LAMA2: variants seen among roughly 807,000 people sequenced by gnomAD.
The protein encoded by LAMA2 is laminin subunit alpha-2.
Under a neutral mutation model 364.8 loss-of-function variants are expected in LAMA2, and 269 were observed. The ratio of observed to expected loss-of-function variants is 0.74; its 90% confidence interval spans 0.67 to 0.82. The LOEUF (loss-of-function observed/expected upper bound fraction) is 0.82, where lower values mean the gene tolerates loss of function less well. Ranked by LOEUF, LAMA2 falls within the 40% of genes least tolerant of loss-of-function variation. The probability of loss-of-function intolerance (pLI) is 0.00; values close to 1 mark genes in which losing one functional copy is unlikely to be tolerated. For missense variants in LAMA2, 3,807 were observed against 3,873.2 expected (o/e 0.98, Z 0.45); for synonymous variants, 1,379 against 1,370.6 (o/e 1.01, Z -0.14).
intron 62 of LAMA2, among the ~76,000 whole-genome samples, chr6:129,509,846 T>A (rs922405056): frequency 6.6e-6 from 1 of 152,160 alleles, no homozygotes; most frequent in Non-Finnish European, 1.5e-5. Context: ...GGGTTTCATA[T>A]GAATTTTAGG....
chr6:129,443,528 C>T (rs1259649626), intron 44 of LAMA2, among the ~76,000 whole-genome samples: 6 of 152,126 alleles, frequency 3.9e-5, no homozygotes, highest in Non-Finnish European at 8.8e-5. Flanking sequence ...CACAAATTCA[C>T]CCCAACACAC....
chr6:129,157,909 TG>T, intron 8 of LAMA2: 1 of 1,614,202 alleles, frequency 6.2e-7, no homozygotes, highest in South Asian at 1.1e-5. Flanking sequence ...AGGTAGCGTT[TG>T]GTGCCCACCC....
At chr6:129,515,024 C>G (rs9402138) in intron 64 of LAMA2, among the ~76,000 whole-genome samples, 13,026 of 152,210 alleles carry the variant, frequency 0.086, 646 homozygotes, top group Admixed American at 0.14. Context: ...TAATTTCCCC[C>G]TTATGTTATT....
intron 1 of LAMA2, among the ~76,000 whole-genome samples, chr6:128,900,103 C>T (rs1776993987): frequency 6.6e-6 from 1 of 152,142 alleles, no homozygotes; most frequent in Non-Finnish European, 1.5e-5. Flanking sequence ...TCAGATAATG[C>T]ATGTGCGTGA....
rs62428476 is a variant in LAMA2, at chr6:128,936,554, T to C, written c.112+53197T>C. Among the ~76,000 whole-genome samples the C allele has an allele frequency of 2.0e-5, 3 of 152,144 alleles. No homozygotes were observed. The East Asian group carries it at 5.8e-4, about 29-fold the overall frequency. On this transcript the variant is annotated intron_variant, in intron 1 of 64. Coordinates refer to ENST00000421865, the MANE Select transcript of LAMA2 (RefSeq NM_000426.4). ...TGCAGATTGTACTGACACCTACATA[T>C]AGTATGCTTTTTATTCTATGTATAT...
intron 4 of LAMA2, among the ~76,000 whole-genome samples, chr6:129,125,898 C>A (rs977239333): frequency 4.0e-5 from 6 of 151,630 alleles, no homozygotes; most frequent in Non-Finnish European, 8.8e-5. Context: ...CACTTTGTAC[C>A]CCATAAATTT....
At chr6:129,124,606 A>T (rs1020991882) in intron 4 of LAMA2, among the ~76,000 whole-genome samples, 4 of 152,176 alleles carry the variant, frequency 2.6e-5, no homozygotes. Context: ...CTCTTTTAGA[A>T]GTCTCATATG....
intron 34 of LAMA2, among the ~76,000 whole-genome samples, chr6:129,377,913 C>A (rs530596823): frequency 6.6e-6 from 1 of 151,556 alleles, no homozygotes. Flanking sequence ...AATGGTAATG[C>A]ATGCTGCCTA....
intron 58 of LAMA2, among the ~76,000 whole-genome samples, chr6:129,497,311 T>C (rs61078343): frequency 0.055 from 8,296 of 152,152 alleles, 574 homozygotes; most frequent in African/African-American, 0.16. Flanking sequence ...AATCATGGCT[T>C]ACTGCAGCCT....
At chr6:128,940,852 G>T (rs919733702) in intron 1 of LAMA2, among the ~76,000 whole-genome samples, 1 of 152,168 alleles carries the variant, frequency 6.6e-6, no homozygotes, top group Non-Finnish European at 1.5e-5. Flanking sequence ...TCCAAAGGCT[G>T]AAGTGGGAGG....
At position 129,280,132 on chromosome 6, in the gene LAMA2, G is replaced by A; in HGVS notation, c.2522G>A (p.Gly841Glu). The A allele has an allele frequency of 6.2e-7, 1 of 1,609,698 alleles. No individual in the cohort carries two copies. Among genetic ancestry groups the A allele is most frequent in the Non-Finnish European group, 8.5e-7 (1 of 1,176,190 alleles). ...GATGGATGCCCTGTCGGGTACACAG[G>A]ACCACGCTGTGAGAGGTAAGAGTAT... ...ICDGCPVGYT[G>E]PRCERCAEGY... The change falls in exon 18 of 65, where the codon GGA becomes GAA. Residue 841 changes from glycine to glutamate, a missense_variant. Physicochemically the swap from Gly to Glu is moderately conservative, Grantham distance 98. This residue lies in a region of LAMA2 where 3,333 missense variants were observed against 3,345.7 expected (regional missense o/e 1.00). Transcript: ENST00000421865.
intron 1 of LAMA2, among the ~76,000 whole-genome samples, chr6:128,915,929 T>C (rs1459136378): frequency 3.3e-5 from 5 of 152,238 alleles, no homozygotes; most frequent in Admixed American, 2.0e-4. Flanking sequence ...ATCTGTTCTT[T>C]ATTTCTAAAA....
chr6:129,248,412 A>G (rs554158754), intron 12 of LAMA2, among the ~76,000 whole-genome samples: 3 of 152,334 alleles, frequency 2.0e-5, no homozygotes, highest in African/African-American at 7.2e-5. Context: ...CAGCTTTGAC[A>G]TTCAAATTAT....
At chr6:129,386,164 TA>T (rs1283454350) in intron 35 of LAMA2, among the ~76,000 whole-genome samples, 1 of 152,066 alleles carries the variant, frequency 6.6e-6, no homozygotes, top group African/African-American at 2.4e-5. Flanking sequence ...TCCTTTGAAT[TA>T]AGTTGGAAAT....
intron 1 of LAMA2, among the ~76,000 whole-genome samples, chr6:128,947,080 A>G (rs1442472341): frequency 6.6e-6 from 1 of 152,212 alleles, no homozygotes; most frequent in Non-Finnish European, 1.5e-5. Context: ...TTCTAATTGC[A>G]AACACATCAC....
At chr6:129,164,394 T>C (rs927160702) in intron 8 of LAMA2, among the ~76,000 whole-genome samples, 1 of 152,218 alleles carries the variant, frequency 6.6e-6, no homozygotes, top group African/African-American at 2.4e-5. Flanking sequence ...TTAACCATGA[T>C]AACTGAAACC....
At chr6:129,172,944 G>A (rs575964189) in intron 9 of LAMA2, among the ~76,000 whole-genome samples, 10 of 152,286 alleles carry the variant, frequency 6.6e-5, no homozygotes, top group East Asian at 5.8e-4. Flanking sequence ...TCCAGGTGCC[G>A]TCCGTCACCC....
intron 27 of LAMA2, among the ~76,000 whole-genome samples, chr6:129,319,543 A>G (rs1562455083): frequency 6.6e-6 from 1 of 152,200 alleles, no homozygotes; most frequent in Non-Finnish European, 1.5e-5. Context: ...ACAGCTTCAA[A>G]ACAATGTTAA....
chr6:129,270,082 T>A (rs1370651602), intron 16 of LAMA2, among the ~76,000 whole-genome samples: 1 of 152,086 alleles, frequency 6.6e-6, no homozygotes, highest in Non-Finnish European at 1.5e-5. Context: ...CAGTAGTGCA[T>A]TGTCCAAACC....
Sources: gnomAD v4.1 joint callset for allele counts (sites outside exome capture counted in the v4.1 genomes callset) on GRCh38, gnomAD v4.1.1 for gene constraint, gnomAD v4.1.1 regional missense constraint, MANE v1.5 for transcripts, NCBI Gene and HGNC (gene_info 2026-07-23, HGNC 2026-07-21) for gene names.